The following PDLIM5 variants were observed in gnomAD, a reference collection of about 807,000 sequenced individuals.
PDLIM5 encodes PDZ and LIM domain protein 5.
A neutral mutation model predicts 64.2 loss-of-function variants in PDLIM5; 34 were observed. The observed-to-expected ratio is 0.53, with a 90% confidence interval of 0.40 to 0.71. The LOEUF (loss-of-function observed/expected upper bound fraction) is 0.71, where lower values mean the gene tolerates loss of function less well. PDLIM5 is among the 30% of genes least tolerant of loss of function. The pLI is 0.00. For missense variants in PDLIM5, 683 were observed against 733.6 expected, an observed-to-expected ratio of 0.93 and a Z score of 0.80; for synonymous variants, 253 against 269.1, an observed-to-expected ratio of 0.94 and a Z score of 0.59.
chr4:94,515,560 G>A (rs1391640081), intron 2 of PDLIM5, among the ~76,000 whole-genome samples: 1 of 152,150 alleles, frequency 6.6e-6, no homozygotes, highest in South Asian at 2.1e-4. Flanking sequence ...ACCACACTTA[G>A]AGAAACTCTG....
intron 3 of PDLIM5, among the ~76,000 whole-genome samples, chr4:94,531,533 C>G (rs1442708265): frequency 6.6e-6 from 1 of 151,918 alleles, no homozygotes; most frequent in East Asian, 1.9e-4. Context: ...AAAGTAGTCA[C>G]AAAAAAACCT....
intron 9 of PDLIM5, among the ~76,000 whole-genome samples, chr4:94,654,172 G>A (rs2280002): frequency 0.36 from 54,592 of 151,908 alleles, 10,916 homozygotes; most frequent in South Asian, 0.61. Flanking sequence ...CAGACAGATT[G>A]CCTCATTTCA....
At chr4:94,523,041 G>T (rs1286973747) in intron 2 of PDLIM5, among the ~76,000 whole-genome samples, 1 of 152,166 alleles carries the variant, frequency 6.6e-6, no homozygotes, top group Non-Finnish European at 1.5e-5. Context: ...ACTAAATAAT[G>T]TAAACACATA....
At chr4:94,563,212 C>T (rs914677584) in intron 3 of PDLIM5, among the ~76,000 whole-genome samples, 1 of 151,992 alleles carries the variant, frequency 6.6e-6, no homozygotes, top group African/African-American at 2.4e-5. Flanking sequence ...ACTTTGAATG[C>T]CTTGACTTAA....
intron 7 of PDLIM5, among the ~76,000 whole-genome samples, chr4:94,608,798 G>GAATCAC (rs1372677684): frequency 6.6e-6 from 1 of 152,082 alleles, no homozygotes; most frequent in Non-Finnish European, 1.5e-5. Context: ...CTCAGAAGTG[G>GAATCAC]AATCACATGA....
chr4:94,638,188 T>C (rs1397696235), intron 8 of PDLIM5, among the ~76,000 whole-genome samples: 1 of 152,094 alleles, frequency 6.6e-6, no homozygotes, highest in Non-Finnish European at 1.5e-5. Flanking sequence ...CCAGAAGAAA[T>C]CAGGCCTGGA....
intron 2 of PDLIM5, among the ~76,000 whole-genome samples, chr4:94,465,384 A>G (rs1246203991): frequency 6.6e-6 from 1 of 152,048 alleles, no homozygotes; most frequent in African/African-American, 2.4e-5. Context: ...CCCATGGGGA[A>G]GTGTGATTTT....
chr4:94,508,595 A>G (rs979933167), intron 2 of PDLIM5, among the ~76,000 whole-genome samples: 1 of 152,194 alleles, frequency 6.6e-6, no homozygotes, highest in African/African-American at 2.4e-5. Flanking sequence ...AAATGCACTG[A>G]TAGGAGGAAC....
intron 2 of PDLIM5, among the ~76,000 whole-genome samples, chr4:94,469,012 C>T (rs987684540): frequency 2.6e-5 from 4 of 152,114 alleles, no homozygotes; most frequent in South Asian, 4.1e-4. Context: ...AAAAGATGAG[C>T]GTTGATCACA....
At chr4:94,466,700 C>T (rs1362096425) in intron 2 of PDLIM5, among the ~76,000 whole-genome samples, 1 of 152,158 alleles carries the variant, frequency 6.6e-6, no homozygotes, top group East Asian at 1.9e-4. Flanking sequence ...CTCTAACTGC[C>T]AGCCTCTTCC....
intron 3 of PDLIM5, among the ~76,000 whole-genome samples, chr4:94,546,837 C>CG (rs987112853): frequency 3.3e-5 from 5 of 151,414 alleles, no homozygotes; most frequent in Non-Finnish European, 7.4e-5. Context: ...TTAGGCCCCC[C>CG]CCACCTTTTT....
intron 8 of PDLIM5, among the ~76,000 whole-genome samples, chr4:94,639,390 G>A (rs1260677585): frequency 1.3e-5 from 2 of 152,182 alleles, no homozygotes; most frequent in African/African-American, 2.4e-5. Context: ...GAGGATGAAT[G>A]TAAGAAGGAC....
chr4:94,472,456 G>C (rs964932070), intron 2 of PDLIM5, among the ~76,000 whole-genome samples: 1 of 152,132 alleles, frequency 6.6e-6, no homozygotes. Context: ...GCTGGTGATA[G>C]GCAGTTGCTC....
chr4:94,493,388 T>C (rs2452556), intron 2 of PDLIM5, among the ~76,000 whole-genome samples: 28,292 of 151,826 alleles, frequency 0.19, 3,166 homozygotes, highest in Non-Finnish European at 0.25. Context: ...CTCAGCTCAC[T>C]GCAACCTCTG....
At chr4:94,540,163 C>A (rs1210409925) in intron 3 of PDLIM5, among the ~76,000 whole-genome samples, 2 of 148,514 alleles carry the variant, frequency 1.3e-5, no homozygotes, top group Non-Finnish European at 3.0e-5. Flanking sequence ...TGGAGTCTCG[C>A]TCTGTCGCCC....
Position 94,665,213 on chromosome 4 carries a change from G to A in PDLIM5, c.*1146G>A. 1.2e-6 allele frequency: 1 copy of A among 836,560 alleles called. No individual in the cohort carries two copies. Among genetic ancestry groups the A allele is most frequent in the Non-Finnish European group, 1.4e-6 (1 of 693,306 alleles). 51.8% of individuals were successfully genotyped at this position (836,560 alleles called of 1,614,324 possible). ...GAGAATAAATAGAGGGCCAGGTGTG[G>A]TGGCTCACGCCTGTGATCCCAGCAC... On this transcript the variant is annotated 3_prime_UTR_variant, in exon 13 of 13. Transcript: ENST00000317968.
intron 8 of PDLIM5, among the ~76,000 whole-genome samples, chr4:94,631,012 A>T (rs1350973337): frequency 6.6e-6 from 1 of 151,486 alleles, no homozygotes. Flanking sequence ...GACTCAAGTT[A>T]TCCTCCTGCC....
intron 7 of PDLIM5, among the ~76,000 whole-genome samples, chr4:94,615,686 G>A (rs1220592173): frequency 2.0e-5 from 3 of 152,166 alleles, no homozygotes; most frequent in Admixed American, 6.5e-5. Flanking sequence ...GGCTAAATTC[G>A]TTGTGCGGCA....
At chr4:94,468,510 A>G (rs1724569016) in intron 2 of PDLIM5, among the ~76,000 whole-genome samples, 1 of 152,138 alleles carries the variant, frequency 6.6e-6, no homozygotes, top group Admixed American at 6.5e-5. Flanking sequence ...AAGGAAAGAA[A>G]ACTAAACCTA....
Sources: gnomAD v4.1 joint callset for allele counts (sites outside exome capture counted in the v4.1 genomes callset) on GRCh38, gnomAD v4.1.1 for gene constraint, MANE v1.5 for transcripts, NCBI Gene and HGNC (gene_info 2026-07-23, HGNC 2026-07-21) for gene names.